The following VPS4B variants were observed in gnomAD, a reference collection of about 807,000 sequenced individuals.
VPS4B encodes vacuolar protein sorting-associated protein 4B.
In VPS4B, 23 loss-of-function variants were observed where a neutral mutation model predicts 56.1. The ratio of observed to expected loss-of-function variants is 0.41; its 90% CI spans 0.30 to 0.58. VPS4B has a LOEUF of 0.58. VPS4B is among the 20% of genes least tolerant of loss of function. VPS4B has a pLI of 0.29. For missense variants in VPS4B, 372 were observed against 531.9 expected, an observed-to-expected ratio of 0.70 and a Z score of 2.96; for synonymous variants, 177 against 186.0, an observed-to-expected ratio of 0.95 and a Z score of 0.39.
At position 63,389,929 on chromosome 18, in the gene VPS4B, A is replaced by G. The variant is rs963990527; in HGVS notation, c.*1046T>C. 4 of 152,702 alleles carry G rather than the reference A, an allele frequency of 2.6e-5. No individual in the cohort carries two copies. Among genetic ancestry groups the G allele is most frequent in the Non-Finnish European group, 4.4e-5 (3 of 68,052 alleles). 9.5% of individuals were successfully genotyped at this position (152,702 alleles called of 1,614,324 possible). On this transcript the variant is annotated 3_prime_UTR_variant, in exon 11 of 11. Transcript: ENST00000238497. ...GTTTTGGTCAATCTTGCTAAAAAAG[A>G]CACTGAAATAGACAATTTTCTTCTT...
At chr18:63,406,891 G>A (rs1041058328) in intron 4 of VPS4B, among the ~76,000 whole-genome samples, 4 of 152,316 alleles carry the variant, frequency 2.6e-5, no homozygotes, top group East Asian at 1.9e-4. Context: ...CCTCTGTTAT[G>A]CCACTGTGCT....
Position 63,403,719 on chromosome 18 carries a change from G to A in VPS4B, c.472C>T (p.His158Tyr). 2 of 1,607,136 alleles carry A rather than the reference G, an allele frequency of 1.2e-6. No individual in the cohort carries two copies. Among genetic ancestry groups the A allele is most frequent in the Non-Finnish European group, 8.5e-7 (1 of 1,177,230 alleles). The change falls in exon 5 of 11, where the codon CAT becomes TAT. Residue 158 changes from histidine (H) to tyrosine (Y), a missense_variant. Around this residue, in one of 3 missense-constraint regions of VPS4B, gnomAD observed 153 missense variants for 190.3 expected, o/e 0.80. Transcript: ENST00000238497. ...AAAGTTATGTCACCTGTAAAAAGAT[G>A]AGGAAATTTAATAGGCAGTATCACA... ...EAVILPIKFP[H>Y]LFTGKRTPWR... is the part of the protein sequence containing the mutation.
intron 4 of VPS4B, among the ~76,000 whole-genome samples, chr18:63,405,506 T>G (rs1317462963): frequency 1.3e-5 from 2 of 152,184 alleles, no homozygotes; most frequent in Non-Finnish European, 2.9e-5. Flanking sequence ...TATAAAAGGC[T>G]AGGACTCCTT....
At chr18:63,398,228 T>TATATATATATATATATATATATAC (rs1568084685) in intron 8 of VPS4B, among the ~76,000 whole-genome samples, 4 of 146,418 alleles carry the variant, frequency 2.7e-5, no homozygotes, top group African/African-American at 1.1e-4. Flanking sequence ...TATATATTTT[T>TATATATATATATATATATATATAC]TTTTGAGATG....
chr18:63,406,557 A>G (rs1215741647), intron 4 of VPS4B, among the ~76,000 whole-genome samples: 2 of 152,260 alleles, frequency 1.3e-5, no homozygotes, highest in African/African-American at 4.8e-5. Context: ...GTGAGCAAAA[A>G]ATTCAATCTG....
chr18:63,407,114 G>T (rs1915936042), intron 4 of VPS4B, among the ~76,000 whole-genome samples: 1 of 152,180 alleles, frequency 6.6e-6, no homozygotes, highest in Non-Finnish European at 1.5e-5. Context: ...ATCAAATTTT[G>T]CAGTGTGCTA....
chr18:63,420,994 C>T (rs1302976458), intron 1 of VPS4B, among the ~76,000 whole-genome samples: 29 of 147,972 alleles, frequency 2.0e-4, no homozygotes, highest in African/African-American at 7.0e-4. Context: ...GCTGAAATCA[C>T]GCCACTGCAC....
At chr18:63,405,705 C>A (rs990180625) in intron 4 of VPS4B, among the ~76,000 whole-genome samples, 3 of 151,972 alleles carry the variant, frequency 2.0e-5, no homozygotes, top group African/African-American at 7.3e-5. Flanking sequence ...CAATTGTAAT[C>A]CCAGCTCTTT....
At chr18:63,402,254 T>C (rs1312635317) in intron 5 of VPS4B, among the ~76,000 whole-genome samples, 1 of 134,466 alleles carries the variant, frequency 7.4e-6, no homozygotes. Context: ...TTTTTTAATG[T>C]GTATTGGAAA....
rs757387117 is a variant in VPS4B at position 63,397,157 on chromosome 18, T to C, written c.969A>G (p.Glu323=). 1.2e-6 allele frequency: 2 copies of C among 1,614,216 alleles called. No homozygotes were observed. Among genetic ancestry groups the C allele is most frequent in the South Asian group, 1.1e-5 (1 of 91,086 alleles). ...TCCTCCCAAGTTCCCGAAAGTCTGC[T>C]TCCGTGAGACTGTTCTGAGTGGTCC... is the stretch of plus-strand genomic sequence containing the variant. The part of the protein sequence containing the change: ...HLGTTQNSLT[E]ADFRELGRKT... The change falls in exon 9 of 11, where the codon GAA becomes GAG. Residue 323 remains glutamate, a synonymous_variant. Transcript: ENST00000238497.
chr18:63,411,133 C>T (rs1350321927), intron 2 of VPS4B, among the ~76,000 whole-genome samples: 1 of 152,206 alleles, frequency 6.6e-6, no homozygotes, highest in African/African-American at 2.4e-5. Flanking sequence ...GGGGTCTTAA[C>T]CATTTCTTTC....
At chr18:63,394,351 CATT>C (rs1915622580) in intron 9 of VPS4B, among the ~76,000 whole-genome samples, 1 of 152,168 alleles carries the variant, frequency 6.6e-6, no homozygotes, top group Admixed American at 6.5e-5. Context: ...GTATCAATGC[CATT>C]TTATCATGTA....
chr18:63,403,836 A>C lies in VPS4B; in HGVS notation c.365-10T>G. On this transcript the variant is annotated splice_polypyrimidine_tract_variant and intron_variant, in intron 4 of 10. Transcript: ENST00000238497. ...TCTATAACAATGGCACCTGCAAAAA[A>C]TTACGTTATCTTTAAATTAAGAAAG... is the stretch of plus-strand genomic sequence containing the variant. 6.3e-7 allele frequency: 1 copy of C among 1,594,738 alleles called. No homozygotes were observed. The highest frequency in any genetic ancestry group is 8.5e-7 in the Non-Finnish European group (1 of 1,172,462).
chr18:63,392,337 T>A (rs1421509747), intron 10 of VPS4B, among the ~76,000 whole-genome samples: 3 of 152,238 alleles, frequency 2.0e-5, no homozygotes, highest in East Asian at 3.8e-4. Context: ...CTGTAATTTT[T>A]AAAAATAAAA....
In VPS4B at chr18:63,411,560, T is replaced by C. The variant is rs1364478574; in HGVS notation, c.46A>G (p.Ser16Gly). The change falls in exon 2 of 11, where the codon AGC becomes GGC. Residue 16 changes from serine (S) to glycine (G), a missense_variant. Physicochemically the swap from Ser to Gly is moderately conservative, Grantham distance 56. Coordinates refer to ENST00000238497, the MANE Select transcript of VPS4B (RefSeq NM_004869.4). Reference protein sequence around the residue: ...PNLQKAIDLASKAAQEDKAGN... With the variant: ...PNLQKAIDLAGKAAQEDKAGN... ...GCCTTGTCTTCTTGCGCTGCTTTGC[T>C]AGCCAGATCTATCGCTTTCTGTTTG... 1.3e-6 allele frequency: 2 copies of C among 1,588,486 alleles called. No homozygotes were observed. Among genetic ancestry groups the C allele is most frequent in the East Asian group, 2.2e-5 (1 of 44,484 alleles).
At chr18:63,391,851 G>A (rs1599353600) in intron 10 of VPS4B, among the ~76,000 whole-genome samples, 1 of 152,078 alleles carries the variant, frequency 6.6e-6, no homozygotes, top group South Asian at 2.1e-4. Context: ...AATTAAGATC[G>A]AAATGGTTAG....
intron 10 of VPS4B, 93 bp downstream of exon 10, chr18:63,393,316 T>C: frequency 2.4e-6 from 3 of 1,255,958 alleles, no homozygotes; most frequent in Non-Finnish European, 3.1e-6. Context: ...TACACCTGTT[T>C]ATACTAAGAT....
chr18:63,393,864 G>A (rs1915612159), intron 9 of VPS4B, among the ~76,000 whole-genome samples: 1 of 151,940 alleles, frequency 6.6e-6, no homozygotes, highest in African/African-American at 2.4e-5. Context: ...AGCCTCCCGA[G>A]TAGCTAGGAT....
At chr18:63,401,790 C>T (rs28464928) in intron 5 of VPS4B, among the ~76,000 whole-genome samples, 2,515 of 152,118 alleles carry the variant, frequency 0.017, 62 homozygotes, top group African/African-American at 0.058. Context: ...GTCAGGAGCT[C>T]GGGACAACTG....
Sources: gnomAD v4.1 joint callset for allele counts (sites outside exome capture counted in the v4.1 genomes callset) on GRCh38, gnomAD v4.1.1 for gene constraint, gnomAD v4.1.1 regional missense constraint, MANE v1.5 for transcripts, NCBI Gene and HGNC (gene_info 2026-07-23, HGNC 2026-07-21) for gene names.